Variants in KIAA1958 observed in about 807,000 individuals in gnomAD.
The protein encoded by KIAA1958 is KIAA1958.
A neutral mutation model predicts 47.2 loss-of-function variants in KIAA1958; 14 were observed. That is an observed-to-expected ratio of 0.30 (90% confidence interval 0.20 to 0.46). KIAA1958 has a LOEUF of 0.46. Ranked by LOEUF, KIAA1958 falls within the 20% of genes least tolerant of loss-of-function variation. The pLI is 1.00. For synonymous variants in KIAA1958, 354 were observed against 353.3 expected, an observed-to-expected ratio of 1.00 and a Z score of -0.02; for missense variants, 803 against 909.2, an observed-to-expected ratio of 0.88 and a Z score of 1.50.
At chr9:112,535,394 ATGT>A (rs922908138) in intron 1 of KIAA1958, among the ~76,000 whole-genome samples, 2 of 152,184 alleles carry the variant, frequency 1.3e-5, no homozygotes, top group African/African-American at 4.8e-5. Context: ...AGATTCGTCC[ATGT>A]TGTCACAAAT....
chr9:112,581,747 T>C (rs1347108613), intron 2 of KIAA1958: 2 of 202,108 alleles, frequency 9.9e-6, no homozygotes, highest in East Asian at 2.4e-4. Flanking sequence ...TCAACACTAG[T>C]TATCCCATTT....
intron 1 of KIAA1958, among the ~76,000 whole-genome samples, chr9:112,489,667 A>G (rs1237930412): frequency 6.6e-6 from 1 of 151,882 alleles, no homozygotes; most frequent in Non-Finnish European, 1.5e-5. Context: ...TTTTTCATTT[A>G]TTTTGACAAA....
At chr9:112,544,882 C>T (rs572518031) in intron 1 of KIAA1958, among the ~76,000 whole-genome samples, 74 of 152,176 alleles carry the variant, frequency 4.9e-4, no homozygotes, top group South Asian at 1.0e-3. Flanking sequence ...AGAAATTTTC[C>T]CCAGCTACAA....
chr9:112,492,232 G>A lies in KIAA1958; in HGVS notation c.-25+5114G>A, dbSNP rs7871758. The stretch of plus-strand genomic sequence containing the variant: ...GAAGTATAAGCTCAAAGTGTTGGCA[G>A]GGTTAGGTTCTTCTAAGGCCCCTCT... On this transcript the variant is annotated intron_variant, in intron 1 of 3. Coordinates refer to ENST00000337530, the MANE Select transcript of KIAA1958 (RefSeq NM_133465.4). Among the ~76,000 whole-genome samples the A allele has an allele frequency of 7.2e-3, 1,104 of 152,316 alleles. 17 individuals carry two copies. Among genetic ancestry groups the A allele is most frequent in the African/African-American group, 0.025 (1,037 of 41,562 alleles).
intron 1 of KIAA1958, among the ~76,000 whole-genome samples, chr9:112,533,974 T>G (rs904935918): frequency 6.6e-6 from 1 of 152,198 alleles, no homozygotes; most frequent in Non-Finnish European, 1.5e-5. Context: ...CTGTAAAATA[T>G]GTGCAAGAGA....
chr9:112,492,041 A>G (rs1309474172), intron 1 of KIAA1958, among the ~76,000 whole-genome samples: 3 of 152,174 alleles, frequency 2.0e-5, no homozygotes, highest in African/African-American at 7.2e-5. Flanking sequence ...CTGTTATAGG[A>G]CTTCATATTT....
intron 1 of KIAA1958, among the ~76,000 whole-genome samples, chr9:112,567,890 G>A (rs577345533): frequency 8.0e-5 from 12 of 149,230 alleles, no homozygotes; most frequent in African/African-American, 2.5e-4. Flanking sequence ...TCTGTGAGGC[G>A]GAGGTTGCAG....
intron 2 of KIAA1958, among the ~76,000 whole-genome samples, chr9:112,628,888 A>G (rs1363528053): frequency 1.3e-5 from 2 of 152,228 alleles, no homozygotes; most frequent in Non-Finnish European, 2.9e-5. Flanking sequence ...CATGGTCAGT[A>G]ATAGTTTGTA....
chr9:112,614,159 A>G (rs1207462916), intron 2 of KIAA1958, among the ~76,000 whole-genome samples: 2 of 152,208 alleles, frequency 1.3e-5, no homozygotes, highest in African/African-American at 2.4e-5. Context: ...GTCAGACACA[A>G]AAGAGTTTAC....
At chr9:112,531,031 C>T (rs181981884) in intron 1 of KIAA1958, among the ~76,000 whole-genome samples, 3 of 152,268 alleles carry the variant, frequency 2.0e-5, no homozygotes, top group Admixed American at 6.5e-5. Flanking sequence ...GATTGCGCAA[C>T]AACATAGAAA....
chr9:112,653,567 C>T (rs931751152), intron 3 of KIAA1958, among the ~76,000 whole-genome samples: 5 of 152,136 alleles, frequency 3.3e-5, no homozygotes, highest in Admixed American at 2.6e-4. Flanking sequence ...CTAACTGGGC[C>T]TCCTCACATG....
At chr9:112,515,975 G>A (rs1433052563) in intron 1 of KIAA1958, among the ~76,000 whole-genome samples, 1 of 149,514 alleles carries the variant, frequency 6.7e-6, no homozygotes, top group East Asian at 2.0e-4. Context: ...TCTAGACAGT[G>A]AAATAAAGGA....
At chr9:112,503,380 G>A (rs369097306) in intron 1 of KIAA1958, among the ~76,000 whole-genome samples, 6 of 152,058 alleles carry the variant, frequency 3.9e-5, no homozygotes, top group African/African-American at 1.4e-4. Context: ...CTGGCTGGTC[G>A]CGGTGGCTCA....
chr9:112,555,890 C>T (rs1835230677), intron 1 of KIAA1958, among the ~76,000 whole-genome samples: 1 of 149,062 alleles, frequency 6.7e-6, no homozygotes, highest in African/African-American at 2.4e-5. Context: ...GCCTGGCCAA[C>T]ATGGTAAAAC....
Position 112,598,898 on chromosome 9 carries a change from A to G in KIAA1958, c.1171+23647A>G, listed in dbSNP as rs532074695. 2.0e-5 allele frequency among the ~76,000 whole-genome samples: 3 copies of G among 152,150 alleles called. No homozygotes were observed. The East Asian group carries it at 5.8e-4, about 29-fold the overall frequency. On this transcript the variant is annotated intron_variant, in intron 2 of 3. Coordinates refer to ENST00000337530, the MANE Select transcript of KIAA1958 (RefSeq NM_133465.4). ...TTGAGACCATCCCAGCCTGGATAAC[A>G]TAACAAGACCCCATCTGTACAAAAA... is the stretch of plus-strand genomic sequence containing the variant.
chr9:112,571,894 CT>C (rs35308071), intron 1 of KIAA1958, among the ~76,000 whole-genome samples: 74,386 of 141,548 alleles, frequency 0.53, 18,971 homozygotes, highest in South Asian at 0.57. Context: ...CAATCTATGT[CT>C]TTTTTTTTTT....
intron 1 of KIAA1958, among the ~76,000 whole-genome samples, chr9:112,516,676 T>A (rs1229569340): frequency 1.3e-5 from 2 of 152,234 alleles, no homozygotes; most frequent in Non-Finnish European, 2.9e-5. Context: ...GTTTTAGGAC[T>A]TACATTTCCT....
At chr9:112,545,426 G>C (rs1415450851) in intron 1 of KIAA1958, among the ~76,000 whole-genome samples, 2 of 152,144 alleles carry the variant, frequency 1.3e-5, no homozygotes, top group Non-Finnish European at 2.9e-5. Flanking sequence ...ATGGGAAAAA[G>C]AATAAGACTG....
At chr9:112,559,441 G>A (rs1835291843) in intron 1 of KIAA1958, among the ~76,000 whole-genome samples, 1 of 152,204 alleles carries the variant, frequency 6.6e-6, no homozygotes, top group Admixed American at 6.5e-5. Context: ...TTCAAGTGAG[G>A]CAGAGAACAG....
Sources: gnomAD v4.1 joint callset for allele counts (sites outside exome capture counted in the v4.1 genomes callset) on GRCh38, gnomAD v4.1.1 for gene constraint, MANE v1.5 for transcripts, NCBI Gene and HGNC (gene_info 2026-07-23, HGNC 2026-07-21) for gene names.